CAT: variants seen among roughly 807,000 people sequenced by gnomAD.
The protein encoded by CAT is catalase.
CAT carries 43 observed loss-of-function variants against 59.0 expected under a neutral mutation model. The ratio of observed to expected loss-of-function variants is 0.73; its 90% CI spans 0.57 to 0.94. CAT has a LOEUF of 0.94. Among genes scored for constraint, CAT ranks in the 40% least tolerant of loss-of-function variants. CAT has a pLI of 0.00. For synonymous variants in CAT, 218 were observed against 230.9 expected (o/e 0.94, Z 0.51); for missense variants, 664 against 682.9 (o/e 0.97, Z 0.31).
intron 1 of CAT, among the ~76,000 whole-genome samples, chr11:34,445,868 A>C (rs1344914164): frequency 1.3e-5 from 2 of 152,198 alleles, no homozygotes; most frequent in South Asian, 2.1e-4. Context: ...CCTGTGCCAC[A>C]ACACTGACAT....
chr11:34,451,959 A>G lies in CAT; in HGVS notation c.350-118A>G. The stretch of plus-strand genomic sequence containing the variant: ...TAATAACCCGGGCACTTAAATACCT[A>G]ATTTAGTTCTTGGAAGTGGATTAGA... On this transcript the variant is annotated intron_variant, in intron 3 of 12. Transcript: ENST00000241052. The G allele has an allele frequency of 2.9e-6, 3 of 1,044,408 alleles. No individual in the cohort carries two copies. In the Admixed American group the frequency reaches 5.5e-5, roughly 19 times the overall value. The allele number at this position is 1,044,408 out of a possible 1,614,324, so 64.7% of individuals were successfully genotyped here. A position where few individuals can be genotyped will look rare whatever the true frequency, so the allele number is the denominator to read the frequency against.
rs775413393 is a variant in CAT, at chr11:34,453,202, C to T, written c.585+8C>T. 18 of 1,515,274 alleles carry T rather than the reference C, an allele frequency of 1.2e-5. No individual in the cohort carries two copies. Among genetic ancestry groups the T allele is most frequent in the South Asian group, 1.1e-5 (1 of 89,060 alleles). The allele number at this position is 1,515,274 out of a possible 1,614,324, so 93.9% of individuals were successfully genotyped here. A position where few individuals can be genotyped will look rare whatever the true frequency, so the allele number is the denominator to read the frequency against. On this transcript the variant is annotated splice_region_variant and intron_variant, in intron 5 of 12. Transcript: ENST00000241052. ...CCTGAGTCTCTGCATCAGGTATGAA[C>T]CCTTTTTTGCCATTGTATTATATCA...
chr11:34,455,505 C>G (rs535340840), intron 6 of CAT, among the ~76,000 whole-genome samples: 1 of 147,928 alleles, frequency 6.8e-6, no homozygotes, highest in South Asian at 2.1e-4. Context: ...CTTTTCAACT[C>G]TATGAGCTAT....
chr11:34,448,046 C>A (rs557401662), intron 1 of CAT, among the ~76,000 whole-genome samples: 3 of 152,256 alleles, frequency 2.0e-5, no homozygotes, highest in East Asian at 1.9e-4. Flanking sequence ...GCAAATTGCA[C>A]GGTCTCCTTT....
At chr11:34,462,452 G>C (rs1030776097) in intron 9 of CAT, among the ~76,000 whole-genome samples, 2 of 152,142 alleles carry the variant, frequency 1.3e-5, no homozygotes, top group Non-Finnish European at 2.9e-5. Flanking sequence ...TTTAGACAGA[G>C]TCTCACTCTG....
At chr11:34,445,418 G>A (rs979473603) in intron 1 of CAT, among the ~76,000 whole-genome samples, 6 of 147,268 alleles carry the variant, frequency 4.1e-5, no homozygotes, top group African/African-American at 7.6e-5. Context: ...GCTTGAACCC[G>A]GGAGGAGGTG....
intron 6 of CAT, 128 bp downstream of exon 6, chr11:34,454,054 G>T: frequency 1.0e-6 from 1 of 974,402 alleles, no homozygotes. Context: ...AAGTTGGGAA[G>T]TATTGATCTC....
intron 1 of CAT, among the ~76,000 whole-genome samples, chr11:34,443,815 A>G (rs184977408): frequency 6.0e-4 from 92 of 152,256 alleles, no homozygotes; most frequent in African/African-American, 2.2e-3. Flanking sequence ...TAATCCTGGT[A>G]ATAACTGCAT....
In CAT at chr11:34,471,485, C is replaced by G; in HGVS notation, c.*52C>G. On this transcript the variant is annotated 3_prime_UTR_variant, in exon 13 of 13. Transcript: ENST00000241052. ...AAGCTTAGCGTTCATCCGTGTAACC[C>G]GCTCATCACTGGATGAAGATTCTCC... 1.4e-6 allele frequency: 2 copies of G among 1,444,614 alleles called. No homozygotes were observed. The highest frequency in any genetic ancestry group is 1.8e-4 in the Middle Eastern group (1 of 5,714). 89.5% of individuals were successfully genotyped at this position (1,444,614 alleles called of 1,614,324 possible).
At chr11:34,448,746 C>A (rs969472811) in intron 1 of CAT, among the ~76,000 whole-genome samples, 3 of 151,998 alleles carry the variant, frequency 2.0e-5, no homozygotes, top group Non-Finnish European at 2.9e-5. Context: ...ACTTGAAGAT[C>A]GTGGCAGTAA....
At chr11:34,454,278 T>G (rs917290459) in intron 6 of CAT, among the ~76,000 whole-genome samples, 1 of 152,264 alleles carries the variant, frequency 6.6e-6, no homozygotes, top group African/African-American at 2.4e-5. Context: ...AAAATTATAC[T>G]GTTTTTAAAA....
chr11:34,447,508 C>T (rs555010542), intron 1 of CAT, among the ~76,000 whole-genome samples: 34 of 152,168 alleles, frequency 2.2e-4, no homozygotes, highest in African/African-American at 6.5e-4. Context: ...GTATTAGCAA[C>T]ATATGTATCT....
rs535047140 is a variant in CAT, at chr11:34,462,073, G to A, written c.1195+684G>A. On this transcript the variant is annotated intron_variant, in intron 9 of 12. Coordinates refer to ENST00000241052, the MANE Select transcript of CAT (RefSeq NM_001752.4). The stretch of plus-strand genomic sequence containing the variant: ...TTTTTTTTGGTGTCGTATACAAACA[G>A]CCTCTGGTTCTAATTACTTTTTCTA... Among the ~76,000 whole-genome samples, 4 of 152,186 alleles carry A rather than the reference G, an allele frequency of 2.6e-5. No homozygotes were observed. In the East Asian group the frequency reaches 7.7e-4, roughly 29 times the overall value.
intron 3 of CAT, 40 bp downstream of exon 3, chr11:34,451,138 A>G: frequency 8.7e-7 from 1 of 1,145,812 alleles, no homozygotes; most frequent in Non-Finnish European, 1.3e-6. Flanking sequence ...GGCTTAACTC[A>G]ACTTCACCTT....
At chr11:34,448,135 G>A (rs1340753426) in intron 1 of CAT, among the ~76,000 whole-genome samples, 1 of 152,214 alleles carries the variant, frequency 6.6e-6, no homozygotes, top group Non-Finnish European at 1.5e-5. Context: ...TTGCCTTCTA[G>A]AGAAGAGGCA....
chr11:34,442,699 A>C (rs1306899197), intron 1 of CAT, among the ~76,000 whole-genome samples: 2 of 152,196 alleles, frequency 1.3e-5, no homozygotes, highest in East Asian at 3.8e-4. Context: ...TCCCACAGTT[A>C]TTGAGGGCAC....
rs964660861 is a variant in CAT at position 34,456,564 on chromosome 11, T to A, written c.904-101T>A. On this transcript the variant is annotated intron_variant, in intron 7 of 12. Transcript: ENST00000241052. ...ATGTTTTATTGGATTTAAAAATTATTTTCATTGGCTTGATTGTATTTGAAA... is the reference window on the plus strand; with the variant it reads ...ATGTTTTATTGGATTTAAAAATTATATTCATTGGCTTGATTGTATTTGAAA... 3.0e-5 allele frequency: 34 copies of A among 1,150,082 alleles called. No homozygotes were observed. The African/African-American group carries it at 4.7e-4, about 16-fold the overall frequency. 71.2% of individuals were successfully genotyped at this position (1,150,082 alleles called of 1,614,324 possible). A position where few individuals can be genotyped will look rare whatever the true frequency, so the allele number is the denominator to read the frequency against.
intron 10 of CAT, among the ~76,000 whole-genome samples, chr11:34,466,235 C>T (rs1856713812): frequency 6.6e-6 from 1 of 152,198 alleles, no homozygotes. Flanking sequence ...CTTTCTACGC[C>T]ATCTGTCAGA....
At chr11:34,466,780 C>CAAAAAA (rs71457350) in intron 10 of CAT, among the ~76,000 whole-genome samples, 791 of 41,032 alleles carry the variant, frequency 0.019, 49 homozygotes, top group East Asian at 0.11. Context: ...GACTCCGTCT[C>CAAAAAA]AAAAAAAAAA....
Sources: allele counts gnomAD v4.1 joint callset (sites outside exome capture counted in the v4.1 genomes callset), GRCh38; gene constraint gnomAD v4.1.1; transcripts MANE v1.5; gene names NCBI Gene and HGNC (gene_info 2026-07-23, HGNC 2026-07-21).